Variants in DAB1 observed in about 807,000 individuals in gnomAD.
DAB1 encodes the protein DAB adaptor protein 1.
Under a neutral mutation model 64.6 loss-of-function variants are expected in DAB1, and 15 were observed. The observed-to-expected ratio is 0.23, with a 90% CI of 0.16 to 0.36. The LOEUF (loss-of-function observed/expected upper bound fraction) is 0.36, where lower values mean the gene tolerates loss of function less well. DAB1 is among the 10% of genes least tolerant of loss of function. DAB1 has a pLI of 1.00. For missense variants in DAB1, 596 were observed against 706.7 expected (o/e 0.84, Z 1.78); for synonymous variants, 235 against 251.9 (o/e 0.93, Z 0.64).
At chr1:57,854,096 T>C (rs1653649704) in intron 1 of DAB1, among the ~76,000 whole-genome samples, 1 of 152,178 alleles carries the variant, frequency 6.6e-6, no homozygotes, top group Non-Finnish European at 1.5e-5. Flanking sequence ...GTTTTTAAGT[T>C]AAAAAAATTT....
At chr1:57,511,573 CTTTG>C (rs1353774375) in intron 7 of DAB1, among the ~76,000 whole-genome samples, 1 of 152,102 alleles carries the variant, frequency 6.6e-6, no homozygotes, top group African/African-American at 2.4e-5. Context: ...AACCAATTTT[CTTTG>C]TTTATTAATT....
intron 2 of DAB1, among the ~76,000 whole-genome samples, chr1:57,147,706 G>A (rs2100832604): frequency 6.6e-6 from 1 of 152,188 alleles, no homozygotes; most frequent in Non-Finnish European, 1.5e-5. Context: ...TTTCACCACT[G>A]AGACTTCCCC....
chr1:58,281,382 C>G (rs539701228), intron 4 of DAB1, among the ~76,000 whole-genome samples: 3 of 151,892 alleles, frequency 2.0e-5, no homozygotes, highest in Non-Finnish European at 4.4e-5. Flanking sequence ...CCCATCCAGA[C>G]AGCCCTCAGT....
rs1399172428 is a variant in DAB1, at chr1:57,274,883, A to C, written c.67+16081T>G. Among the ~76,000 whole-genome samples, 6 of 102,042 alleles carry C rather than the reference A, an allele frequency of 5.9e-5. No individual in the cohort carries two copies. In the Admixed American group the frequency reaches 6.9e-4, roughly 12 times the overall value. 66.9% of individuals were successfully genotyped at this position (102,042 alleles called of 152,430 possible). On this transcript the variant is annotated intron_variant, in intron 2 of 14. Transcript: ENST00000371236. ...ATGTGTGAGCCACCGCGCTCAGCCA[A>C]ATTTTTTTTTTTTTTTTTAATCTAA... is the stretch of plus-strand genomic sequence containing the variant.
At chr1:58,074,521 T>TACATATATATATATATATATATACAC (rs1649472931) in intron 5 of DAB1, 1 of 115,206 alleles carries the variant, frequency 8.7e-6, no homozygotes, top group East Asian at 2.3e-4. Context: ...CTAATATATA[T>TACATATATATATATATATATATACAC]ACATATATAT....
At chr1:57,185,824 A>G (rs197655) in intron 2 of DAB1, among the ~76,000 whole-genome samples, 33,164 of 152,068 alleles carry the variant, frequency 0.22, 5,361 homozygotes, top group African/African-American at 0.43. Context: ...GTACCAGGAC[A>G]CTGTATCTCA....
At chr1:57,406,890 T>C (rs1406492739) in intron 1 of DAB1, among the ~76,000 whole-genome samples, 3 of 152,186 alleles carry the variant, frequency 2.0e-5, no homozygotes, top group African/African-American at 7.2e-5. Context: ...CACCATCATA[T>C]CAGCAAATGG....
At chr1:57,516,181 G>GA (rs939477341) in intron 7 of DAB1, among the ~76,000 whole-genome samples, 1 of 152,130 alleles carries the variant, frequency 6.6e-6, no homozygotes, top group Non-Finnish European at 1.5e-5. Flanking sequence ...TGAAACTTCA[G>GA]AAAAAACACT....
upstream of DAB1, among the ~76,000 whole-genome samples, chr1:57,886,626 G>A (rs914281323): frequency 2.0e-5 from 3 of 152,074 alleles, no homozygotes; most frequent in Non-Finnish European, 1.5e-5. Flanking sequence ...TCCCCTCTTA[G>A]TGTCACGAAT....
chr1:57,888,497 A>C (rs1644258944), upstream of DAB1, among the ~76,000 whole-genome samples: 1 of 152,192 alleles, frequency 6.6e-6, no homozygotes, highest in Non-Finnish European at 1.5e-5. Context: ...TAGTGACTTC[A>C]GTTTTACTCC....
chr1:57,507,690 C>A (rs1221067786), intron 7 of DAB1, among the ~76,000 whole-genome samples: 1 of 152,136 alleles, frequency 6.6e-6, no homozygotes, highest in Non-Finnish European at 1.5e-5. Flanking sequence ...GCACTTTCTC[C>A]TAGGAAGCCT....
chr1:57,359,725 G>C (rs1345298858), intron 1 of DAB1, among the ~76,000 whole-genome samples: 3 of 152,008 alleles, frequency 2.0e-5, no homozygotes, highest in Non-Finnish European at 4.4e-5. Context: ...AGAAAATGTG[G>C]TATATACACA....
chr1:58,426,891 T>C (rs983026459), intron 3 of DAB1, among the ~76,000 whole-genome samples: 2 of 151,670 alleles, frequency 1.3e-5, no homozygotes, highest in African/African-American at 4.8e-5. Flanking sequence ...ACTGCTGGAG[T>C]GGGAGGATTG....
At position 57,628,151 on chromosome 1, in the gene DAB1, G is replaced by A. The variant is rs1166459351; in HGVS notation, n.625+21441C>T. 2.6e-5 allele frequency among the ~76,000 whole-genome samples: 4 copies of A among 152,210 alleles called. No individual in the cohort carries two copies. In the East Asian group the frequency reaches 7.7e-4, roughly 29 times the overall value. On this transcript the variant is annotated intron_variant and non_coding_transcript_variant, in intron 7 of 20. Coordinates refer to the DAB1 transcript ENST00000485760. ...TGGGTGTGACCTTGAGCAAGTCACA[G>A]TCTCTCTGAGCTTCAGACTCCTCAT...
intron 4 of DAB1, among the ~76,000 whole-genome samples, chr1:57,116,893 TG>T (rs1162737388): frequency 1.3e-5 from 2 of 152,222 alleles, no homozygotes; most frequent in African/African-American, 4.8e-5. Context: ...TTTTATATCC[TG>T]GCATATATCT....
At chr1:57,725,755 T>C (rs1647201169) in intron 6 of DAB1, among the ~76,000 whole-genome samples, 1 of 150,244 alleles carries the variant, frequency 6.7e-6, no homozygotes, top group South Asian at 2.1e-4. Context: ...GTTCTTTTCT[T>C]TTCTTTTTTT....
At chr1:57,707,737 G>A (rs1265450111) in intron 6 of DAB1, among the ~76,000 whole-genome samples, 1 of 152,066 alleles carries the variant, frequency 6.6e-6, no homozygotes, top group Non-Finnish European at 1.5e-5. Flanking sequence ...GGACTTATTT[G>A]TACTCATCCT....
chr1:58,372,794 T>G (rs1393283994), intron 3 of DAB1, among the ~76,000 whole-genome samples: 6 of 152,214 alleles, frequency 3.9e-5, no homozygotes, highest in Admixed American at 3.9e-4. Flanking sequence ...CCTTGTCTTC[T>G]CTTTCTTGTC....
chr1:57,962,958 A>G (rs1312330075), intron 5 of DAB1, among the ~76,000 whole-genome samples: 1 of 151,986 alleles, frequency 6.6e-6, no homozygotes, highest in African/African-American at 2.4e-5. Flanking sequence ...ATTTTATGCT[A>G]TATTTTCTTA....
Sources: allele counts gnomAD v4.1 joint callset (sites outside exome capture counted in the v4.1 genomes callset), GRCh38; gene constraint gnomAD v4.1.1; transcripts MANE v1.5; gene names NCBI Gene and HGNC (gene_info 2026-07-23, HGNC 2026-07-21).